MRTFB: variants seen among roughly 807,000 people sequenced by gnomAD.
MRTFB encodes the protein myocardin related transcription factor B.
MRTFB carries 29 observed loss-of-function variants against 104.2 expected under a neutral mutation model. That is an observed-to-expected ratio of 0.28 (90% CI 0.21 to 0.38). The LOEUF (loss-of-function observed/expected upper bound fraction) is 0.38. Ranked by LOEUF, MRTFB falls within the 10% of genes least tolerant of loss-of-function variation. The pLI is 1.00. For synonymous variants in MRTFB, 535 were observed against 519.5 expected, an observed-to-expected ratio of 1.03 and a Z score of -0.41; for missense variants, 1,270 against 1,341.6, an observed-to-expected ratio of 0.95 and a Z score of 0.83.
intron 10 of MRTFB, among the ~76,000 whole-genome samples, chr16:14,241,961 C>A (rs2042784429): frequency 1.6e-5 from 2 of 123,410 alleles, no homozygotes; most frequent in African/African-American, 2.9e-5. Flanking sequence ...TGGCATTGGG[C>A]ACCAATAATA....
chr16:14,171,849 T>G (rs1379719044), intron 3 of MRTFB, among the ~76,000 whole-genome samples: 1 of 152,208 alleles, frequency 6.6e-6, no homozygotes, highest in Non-Finnish European at 1.5e-5. Flanking sequence ...ACCTACAAAC[T>G]GGAGTTCAGT....
At chr16:14,162,956 C>T (rs551307523) in intron 3 of MRTFB, among the ~76,000 whole-genome samples, 73 of 152,108 alleles carry the variant, frequency 4.8e-4, no homozygotes, top group Non-Finnish European at 8.7e-4. Context: ...TTTCCTTCTG[C>T]TTCTCCCAGT....
At chr16:14,207,020 C>T (rs1331807478) in intron 3 of MRTFB, among the ~76,000 whole-genome samples, 5 of 152,028 alleles carry the variant, frequency 3.3e-5, no homozygotes, top group African/African-American at 9.7e-5. Flanking sequence ...TTCTTCCTAA[C>T]GTCGCTTAAA....
chr16:14,177,903 G>GGT lies in MRTFB; in HGVS notation c.155-32308_155-32307dup, dbSNP rs142062484. On this transcript the variant is annotated intron_variant, in intron 3 of 16. Transcript: ENST00000571589. The surrounding 1 kb of genome is among the most constrained non-coding windows in gnomAD (Gnocchi z 4.7). ...CGAGAAGTACATGAACCAGAGGTAG[G>GGT]GTGTGTGTGTGTGTGTGTGTGTGTG... Among the ~76,000 whole-genome samples, 95,185 of 145,910 alleles carry GGT rather than the reference G, an allele frequency of 0.65. 33,888 individuals are homozygous for GGT. Among genetic ancestry groups the GGT allele is most frequent in the Non-Finnish European group, 0.81 (53,482 of 65,818 alleles).
intron 2 of MRTFB, among the ~76,000 whole-genome samples, chr16:14,127,169 T>C (rs953875997): frequency 2.0e-5 from 3 of 152,254 alleles, no homozygotes; most frequent in Non-Finnish European, 4.4e-5. Flanking sequence ...TATTAGTTTG[T>C]GCAAGGATTG....
intron 3 of MRTFB, among the ~76,000 whole-genome samples, chr16:14,185,292 A>T (rs2903464): frequency 1.3e-5 from 2 of 152,098 alleles, no homozygotes; most frequent in Non-Finnish European, 2.9e-5. Context: ...GGTTTAGTGC[A>T]CACCAGCCTT....
the MRTFB span, among the ~76,000 whole-genome samples, chr16:14,059,024 G>A: frequency 9.7e-3 from 1,469 of 151,928 alleles, 26 homozygotes; most frequent in African/African-American, 0.034. Context: ...CCGGCCCAAA[G>A]TAATACATAT....
the MRTFB span, among the ~76,000 whole-genome samples, chr16:14,037,920 T>C: frequency 6.6e-6 from 1 of 152,200 alleles, no homozygotes; most frequent in African/African-American, 2.4e-5. Context: ...TTAAATATTT[T>C]CTCTGTGACA....
chr16:14,173,863 G>A (rs1186631477), intron 3 of MRTFB, among the ~76,000 whole-genome samples: 1 of 152,006 alleles, frequency 6.6e-6, no homozygotes, highest in African/African-American at 2.4e-5. Context: ...CTGCTTAAAT[G>A]CATGGCATAG....
At chr16:14,125,619 C>T (rs1278096901) in intron 2 of MRTFB, among the ~76,000 whole-genome samples, 1 of 152,202 alleles carries the variant, frequency 6.6e-6, no homozygotes, top group Non-Finnish European at 1.5e-5. Flanking sequence ...ATTGTTTCCA[C>T]TCACCTGATA....
the MRTFB span, among the ~76,000 whole-genome samples, chr16:13,994,990 C>T: frequency 6.6e-6 from 1 of 151,886 alleles, no homozygotes; most frequent in Non-Finnish European, 1.5e-5. Context: ...ATGATGGTTT[C>T]TCAGTACGGT....
At chr16:14,012,295 C>CTTTTTTT in the MRTFB span, among the ~76,000 whole-genome samples, 115 of 107,886 alleles carry the variant, frequency 1.1e-3, 14 homozygotes, top group African/African-American at 2.8e-3. Context: ...CTTTTTCTTT[C>CTTTTTTT]TTTCTTTTTT....
chr16:14,154,104 G>A (rs1016626362), intron 3 of MRTFB, among the ~76,000 whole-genome samples: 3 of 152,194 alleles, frequency 2.0e-5, no homozygotes, highest in African/African-American at 7.2e-5. Context: ...AGGCCAAGGT[G>A]AGAAGATCGT....
intron 3 of MRTFB, chr16:14,200,475 A>G: frequency 1.2e-6 from 2 of 1,610,636 alleles, no homozygotes; most frequent in Non-Finnish European, 1.7e-6. Context: ...TCGTTTTTCC[A>G]CTTATTCTTT....
At chr16:14,157,441 A>G (rs2038867905) in intron 3 of MRTFB, among the ~76,000 whole-genome samples, 1 of 152,216 alleles carries the variant, frequency 6.6e-6, no homozygotes, top group Non-Finnish European at 1.5e-5. Flanking sequence ...TGGCTCCCCA[A>G]AGTCTGTACT....
intron 3 of MRTFB, among the ~76,000 whole-genome samples, chr16:14,160,081 T>C (rs1218441460): frequency 6.6e-6 from 1 of 152,162 alleles, no homozygotes; most frequent in Non-Finnish European, 1.5e-5. Context: ...CATAGTAATA[T>C]TATTTAATGC....
chr16:14,223,857 C>T (rs747044700), intron 8 of MRTFB, among the ~76,000 whole-genome samples: 2 of 152,280 alleles, frequency 1.3e-5, no homozygotes, highest in South Asian at 2.1e-4. Flanking sequence ...TATACAAATA[C>T]AGTCATGCTT....
intron 3 of MRTFB, among the ~76,000 whole-genome samples, chr16:14,155,069 A>T (rs4781578): frequency 0.14 from 22,055 of 152,216 alleles, 3,002 homozygotes; most frequent in African/African-American, 0.34. Context: ...CAAATCTATC[A>T]TCCATCATCT....
chr16:14,229,036 T>C (rs1405855309), intron 8 of MRTFB, among the ~76,000 whole-genome samples: 2 of 152,230 alleles, frequency 1.3e-5, no homozygotes, highest in Non-Finnish European at 2.9e-5. Flanking sequence ...TAATGCCATA[T>C]ACTTAAAAAT....
Sources: gnomAD v4.1 joint callset for allele counts (sites outside exome capture counted in the v4.1 genomes callset) on GRCh38, gnomAD v4.1.1 for gene constraint, Gnocchi (gnomAD v3.1) non-coding constraint, MANE v1.5 for transcripts, NCBI Gene and HGNC (gene_info 2026-07-23, HGNC 2026-07-21) for gene names.